Variants in NT5C1A observed in about 807,000 individuals in gnomAD.
NT5C1A encodes 5'-nucleotidase, cytosolic IA.
Under a neutral mutation model 31.0 loss-of-function variants are expected in NT5C1A, and 18 were observed. That is an observed-to-expected ratio of 0.58 (90% CI 0.40 to 0.86). The LOEUF is 0.86. Among genes scored for constraint, NT5C1A ranks in the 40% least tolerant of loss-of-function variants. NT5C1A has a pLI of 0.00. For synonymous variants in NT5C1A, 185 were observed against 203.6 expected (o/e 0.91, Z 0.78); for missense variants, 470 against 505.4 (o/e 0.93, Z 0.67).
chr1:39,651,355 TATC>T lies in NT5C1A; in HGVS notation c.*7763_*7765del, dbSNP rs965602201. ...ACACTGGCAAGCACTCAGCACCCTT[TATC>T]ATGTGACCAGGTAAATGTTACAAAG... is the stretch of plus-strand genomic sequence containing the variant. On this transcript the variant is annotated 3_prime_UTR_variant, in exon 6 of 6. Coordinates refer to ENST00000235628, the MANE Select transcript of NT5C1A (RefSeq NM_032526.3). 1.3e-5 allele frequency among the ~76,000 whole-genome samples: 2 copies of T among 152,234 alleles called. No homozygotes were observed. The highest frequency in any genetic ancestry group is 6.5e-5 in the Admixed American group (1 of 15,290).
At chr1:39,671,252 G>A (rs1320309546) in intron 1 of NT5C1A, among the ~76,000 whole-genome samples, 3 of 152,230 alleles carry the variant, frequency 2.0e-5, no homozygotes, top group African/African-American at 7.2e-5. Flanking sequence ...CACCACCACA[G>A]GGTCGTGGGG....
rs927848941 is a variant in NT5C1A at position 39,653,014 on chromosome 1, A to G, written c.*6107T>C. On this transcript the variant is annotated 3_prime_UTR_variant, in exon 6 of 6. Transcript: ENST00000235628. Reference sequence around the variant, plus strand: ...TAGGTACTACCCATGTCACAATACCAATGGCGCCCTCTAGATTTTTGCAGT... The same window carrying G: ...TAGGTACTACCCATGTCACAATACCGATGGCGCCCTCTAGATTTTTGCAGT... Among the ~76,000 whole-genome samples the G allele has an allele frequency of 6.6e-6, 1 of 152,122 alleles. No individual in the cohort carries two copies. Among genetic ancestry groups the G allele is most frequent in the Non-Finnish European group, 1.5e-5 (1 of 68,030 alleles).
At chr1:39,662,908 A>G (rs1646499088) in intron 4 of NT5C1A, among the ~76,000 whole-genome samples, 1 of 152,190 alleles carries the variant, frequency 6.6e-6, no homozygotes, top group Non-Finnish European at 1.5e-5. Flanking sequence ...TCAGGCTTTC[A>G]GGCTGGACTA....
At position 39,654,351 on chromosome 1, in the gene NT5C1A, T is replaced by C. The variant is rs72663593; in HGVS notation, c.*4770A>G. 0.1 allele frequency among the ~76,000 whole-genome samples: 15,845 copies of C among 152,300 alleles called. 1,101 individuals are homozygous for C. The highest frequency in any genetic ancestry group is 0.18 in the Middle Eastern group (52 of 294). On this transcript the variant is annotated 3_prime_UTR_variant, in exon 6 of 6. Coordinates refer to ENST00000235628, the MANE Select transcript of NT5C1A (RefSeq NM_032526.3). Reference sequence around the variant, plus strand: ...TGTTCTTGCTTTCACAGAAAGTACATGGATGACCTTGTTGGCTCGGAGCTG... The same window carrying C: ...TGTTCTTGCTTTCACAGAAAGTACACGGATGACCTTGTTGGCTCGGAGCTG...
In NT5C1A at chr1:39,652,871, G is replaced by A. The variant is rs1646439259; in HGVS notation, c.*6250C>T. Among the ~76,000 whole-genome samples, 1 of 152,002 alleles carries A rather than the reference G, an allele frequency of 6.6e-6. No homozygotes were observed. Among genetic ancestry groups the A allele is most frequent in the Admixed American group, 6.6e-5 (1 of 15,256 alleles). ...ACATTAGAACACTCAAGCAGAGGCA[G>A]GAATCTTTGCCTAGGTTGGGCAGGG... On this transcript the variant is annotated 3_prime_UTR_variant, in exon 6 of 6. Coordinates refer to ENST00000235628, the MANE Select transcript of NT5C1A (RefSeq NM_032526.3).
Position 39,666,212 on chromosome 1 carries a change from T to C in NT5C1A, c.160A>G (p.Ile54Val). ...KSPKPQNAVT[I>V]AVSSRALFRM... ...AACAAGGCTCGGGAGGACACAGCGA[T>C]GGTGACTGCATTCTGAGGCTTGGGC... The change falls in exon 2 of 6, where the codon ATC becomes GTC. Residue 54 changes from isoleucine to valine, a missense_variant. Coordinates refer to ENST00000235628, the MANE Select transcript of NT5C1A (RefSeq NM_032526.3). 1.2e-6 allele frequency: 2 copies of C among 1,612,832 alleles called. No individual in the cohort carries two copies. The highest frequency in any genetic ancestry group is 1.1e-5 in the South Asian group (1 of 91,064).
In NT5C1A at chr1:39,654,221, C is replaced by A. The variant is rs1459912160; in HGVS notation, c.*4900G>T. 6.6e-6 allele frequency among the ~76,000 whole-genome samples: 1 copy of A among 151,958 alleles called. No homozygotes were observed. The highest frequency in any genetic ancestry group is 6.5e-5 in the Admixed American group (1 of 15,280). On this transcript the variant is annotated 3_prime_UTR_variant, in exon 6 of 6. Transcript: ENST00000235628. ...TGTTTATTGCTCACGTGCCTTCATG[C>A]CACAAGAAACTGCCATTCCAGCTGT... is the stretch of plus-strand genomic sequence containing the variant.
At position 39,652,247 on chromosome 1, in the gene NT5C1A, C is replaced by T. The variant is rs1181150746; in HGVS notation, c.*6874G>A. On this transcript the variant is annotated 3_prime_UTR_variant, in exon 6 of 6. Transcript: ENST00000235628. ...GGATGCAAACTGGAGATTCAAGGGC[C>T]GGATCTCGCCTACAGAATATGTTTT... Among the ~76,000 whole-genome samples, 1 of 151,860 alleles carries T rather than the reference C, an allele frequency of 6.6e-6. No individual in the cohort carries two copies. The highest frequency in any genetic ancestry group is 1.5e-5 in the Non-Finnish European group (1 of 67,980).
rs1048480885 is a variant in NT5C1A, at chr1:39,654,795, G to A, written c.*4326C>T. Among the ~76,000 whole-genome samples, 5 of 152,274 alleles carry A rather than the reference G, an allele frequency of 3.3e-5. No homozygotes were observed. Among genetic ancestry groups the A allele is most frequent in the African/African-American group, 9.6e-5 (4 of 41,562 alleles). ...GCTGTCTGCCTTGGCCCAGGGGTCC[G>A]CACATTTTTCTGTAAAGGGCCAGAT... On this transcript the variant is annotated 3_prime_UTR_variant, in exon 6 of 6. Transcript: ENST00000235628.
At chr1:39,666,715 G>A (rs1646525883) in intron 1 of NT5C1A, among the ~76,000 whole-genome samples, 1 of 152,088 alleles carries the variant, frequency 6.6e-6, no homozygotes. Flanking sequence ...CCATCTAACT[G>A]CCCCAGTTGA....
At chr1:39,664,490 CCT>C (rs1553485417) in intron 3 of NT5C1A, among the ~76,000 whole-genome samples, 10 of 2,900 alleles carry the variant, frequency 3.4e-3, no homozygotes, top group Non-Finnish European at 4.3e-3. Context: ...GTGGATTTCT[CCT>C]CCTCTCCTCT....
At chr1:39,660,907 G>A (rs892040360) in intron 5 of NT5C1A, among the ~76,000 whole-genome samples, 172 bp downstream of exon 5, 1 of 152,102 alleles carries the variant, frequency 6.6e-6, no homozygotes, top group Non-Finnish European at 1.5e-5. Flanking sequence ...CAACAAAGCA[G>A]GTGGAAGCTC....
At chr1:39,667,033 C>T (rs965858087) in intron 1 of NT5C1A, among the ~76,000 whole-genome samples, 9 of 152,174 alleles carry the variant, frequency 5.9e-5, no homozygotes, top group Non-Finnish European at 1.3e-4. Flanking sequence ...CACAGCCCCC[C>T]TCTTTAGTGG....
At position 39,652,450 on chromosome 1, in the gene NT5C1A, T is replaced by C. The variant is rs892660018; in HGVS notation, c.*6671A>G. Among the ~76,000 whole-genome samples the C allele has an allele frequency of 3.3e-5, 5 of 152,160 alleles. No homozygotes were observed. On this transcript the variant is annotated 3_prime_UTR_variant, in exon 6 of 6. Coordinates refer to ENST00000235628, the MANE Select transcript of NT5C1A (RefSeq NM_032526.3). The stretch of plus-strand genomic sequence containing the variant: ...CATTCTCAGTGAAGAACTGGCTTAA[T>C]CCTCTCCACTCATTTATGTTTCCTG...
At chr1:39,660,636 A>C (rs1646488290) in intron 5 of NT5C1A, among the ~76,000 whole-genome samples, 1 of 151,920 alleles carries the variant, frequency 6.6e-6, no homozygotes, top group African/African-American at 2.4e-5. Context: ...GCATGGTCTC[A>C]GAGGGGCGGG....
At position 39,653,537 on chromosome 1, in the gene NT5C1A, T is replaced by C. The variant is rs1646444027; in HGVS notation, c.*5584A>G. Among the ~76,000 whole-genome samples the C allele has an allele frequency of 6.6e-6, 1 of 152,198 alleles. No individual in the cohort carries two copies. Among genetic ancestry groups the C allele is most frequent in the African/African-American group, 2.4e-5 (1 of 41,444 alleles). On this transcript the variant is annotated 3_prime_UTR_variant, in exon 6 of 6. Coordinates refer to ENST00000235628, the MANE Select transcript of NT5C1A (RefSeq NM_032526.3). The stretch of plus-strand genomic sequence containing the variant: ...ATTGCCGGCAAGAGCAATCGGCTCG[T>C]CACTCGGGCATATTTAGCAAACATT...
Sources: gnomAD v4.1 joint callset for allele counts (sites outside exome capture counted in the v4.1 genomes callset) on GRCh38, gnomAD v4.1.1 for gene constraint, MANE v1.5 for transcripts, NCBI Gene and HGNC (gene_info 2026-07-23, HGNC 2026-07-21) for gene names.